Variants in RELT observed in about 807,000 individuals in gnomAD.
RELT encodes RELT TNF receptor.
A neutral mutation model predicts 51.1 loss-of-function variants in RELT; 37 were observed. The observed-to-expected ratio is 0.72, with a 90% CI of 0.56 to 0.95. The LOEUF (loss-of-function observed/expected upper bound fraction) is 0.95. Among genes scored for constraint, RELT ranks in the 40% least tolerant of loss-of-function variants. The pLI is 0.00. For missense variants in RELT, 535 were observed against 572.6 expected (o/e 0.93, Z 0.67); for synonymous variants, 241 against 235.7 (o/e 1.02, Z -0.21).
intron 1 of RELT, among the ~76,000 whole-genome samples, chr11:73,381,911 G>A (rs961074555): frequency 6.6e-6 from 1 of 152,182 alleles, no homozygotes; most frequent in Admixed American, 6.5e-5. Context: ...AAGCCTCTGG[G>A]TGACCTCGGC....
chr11:73,390,901 CTG>C lies in RELT; in HGVS notation c.270_271del (p.Cys90TrpfsTer32). 1 of 1,613,152 alleles carries C rather than the reference CTG, an allele frequency of 6.2e-7. No homozygotes were observed. Among genetic ancestry groups the C allele is most frequent in the East Asian group, 2.2e-5 (1 of 44,870 alleles). ...QVGMATRDTLCGDCWPGWFGP... is the reference protein window; with the variant it reads ...QVGMATRDTLXGDCWPGWFGP... ...TGGGCATGGCAACTCGAGATACACT[CTG>C]TGGAGACTGCTGGCCTGGGTAAGCC... On this transcript the variant is annotated frameshift_variant, in exon 4 of 11. Transcript: ENST00000064780. LOFTEE classifies it high-confidence loss of function.
In RELT at chr11:73,395,100, C is replaced by G. The variant is rs1166846088; in HGVS notation, c.1060C>G (p.Arg354Gly). The change falls in exon 10 of 11, where the codon CGA becomes GGA. Residue 354 changes from arginine (R) to glycine (G), a missense_variant. Arg to Gly is a moderately radical substitution (Grantham distance 125). Transcript: ENST00000064780. ...CTCTCCTCACAGGTTCCGCGTGGCT[C>G]GAATTCCTGAGCAGCGGACAAGTTC... ...ILSVGRFRVA[R>G]IPEQRTSSMV... The G allele has an allele frequency of 1.2e-6, 2 of 1,613,404 alleles. No homozygotes were observed. The highest frequency in any genetic ancestry group is 1.7e-6 in the Non-Finnish European group (2 of 1,179,910).
At chr11:73,376,570 AGTG>A (rs1365750830) in intron 1 of RELT, 71 bp downstream of exon 1, 3 of 151,456 alleles carry the variant, frequency 2.0e-5, no homozygotes, top group Non-Finnish European at 4.4e-5. Context: ...TACGGACCCT[AGTG>A]GCGCCCCCTG....
Position 73,394,251 on chromosome 11 carries a change from T to G in RELT, c.722T>G (p.Leu241Arg), listed in dbSNP as rs760234772. 13 of 1,608,770 alleles carry G rather than the reference T, an allele frequency of 8.1e-6. No homozygotes were observed. Among genetic ancestry groups the G allele is most frequent in the African/African-American group, 1.3e-5 (1 of 74,768 alleles). ...CTACCCACAGAGAATGCTGCGGCCC[T>G]GGAGGAGCTGCTGAAAGAGTACCAC... ...ITEKKENAAA[L>R]EELLKEYHSK... Residue 241 changes from leucine (L) to arginine (R), a missense_variant, in exon 8 of 11, where the codon CTG becomes CGG. Transcript: ENST00000064780. This position sits in a 1 kb window ranked among gnomAD's most constrained non-coding sequence, Gnocchi z 4.9.
chr11:73,394,116 C>T lies in RELT; in HGVS notation c.707-120C>T, dbSNP rs978243849. 47 of 1,042,032 alleles carry T rather than the reference C, an allele frequency of 4.5e-5. No individual in the cohort carries two copies. In the African/African-American group the frequency reaches 5.1e-4, roughly 11 times the overall value. The allele number at this position is 1,042,032 out of a possible 1,614,324, so 64.5% of individuals were successfully genotyped here. A position where few individuals can be genotyped will look rare whatever the true frequency, so the allele number is the denominator to read the frequency against. Reference sequence around the variant, plus strand: ...TGCCTGATGAAGTGGGAGGAAAAGGCGCACAGCCCAGGCTGGGAGTGGTGG... The same window carrying T: ...TGCCTGATGAAGTGGGAGGAAAAGGTGCACAGCCCAGGCTGGGAGTGGTGG... On this transcript the variant is annotated intron_variant, in intron 7 of 10. Transcript: ENST00000064780. The surrounding 1 kb of genome is among the most constrained non-coding windows in gnomAD (Gnocchi z 4.9).
Position 73,388,140 on chromosome 11 carries a change from C to G in RELT, c.-25-972C>G, listed in dbSNP as rs577253502. ...TCAGTCTCAGACCGGTGGGCCGTGA[C>G]GCCACCATGGATATTTCTCTGAAGT... On this transcript the variant is annotated intron_variant, in intron 1 of 10. Coordinates refer to ENST00000064780, the MANE Select transcript of RELT (RefSeq NM_152222.2). This position sits in a 1 kb window ranked among gnomAD's most constrained non-coding sequence, Gnocchi z 4.1. 6.6e-6 allele frequency among the ~76,000 whole-genome samples: 1 copy of G among 152,312 alleles called. No homozygotes were observed. The highest frequency in any genetic ancestry group is 2.1e-4 in the South Asian group (1 of 4,824).
chr11:73,389,954 G>C (rs952065626), intron 2 of RELT, among the ~76,000 whole-genome samples: 1 of 152,190 alleles, frequency 6.6e-6, no homozygotes, highest in African/African-American at 2.4e-5. Flanking sequence ...AATGGGCTGG[G>C]GACACACACT....
intron 5 of RELT, 194 bp from the exon 6 acceptor site, chr11:73,392,017 A>G: frequency 3.0e-6 from 2 of 671,200 alleles, no homozygotes; most frequent in Non-Finnish European, 5.0e-6. Context: ...CTTGTTCAGG[A>G]CAATGCTTCG....
chr11:73,377,842 G>A (rs1201153525), intron 1 of RELT, among the ~76,000 whole-genome samples: 1 of 152,166 alleles, frequency 6.6e-6, no homozygotes, highest in East Asian at 1.9e-4. Context: ...CTGCAGTGGG[G>A]GGTGGGGGCA....
At chr11:73,393,721 G>T (rs1314465789) in intron 6 of RELT, 116 bp from the exon 7 acceptor site, 2 of 1,566,722 alleles carry the variant, frequency 1.3e-6, no homozygotes, top group Non-Finnish European at 8.8e-7. Context: ...TCACCTAAAT[G>T]CACATGCTCA....
At chr11:73,389,498 G>T (rs1198157666) in intron 2 of RELT, among the ~76,000 whole-genome samples, 2 of 152,214 alleles carry the variant, frequency 1.3e-5, no homozygotes, top group Admixed American at 1.3e-4. Flanking sequence ...GAGGAAACTG[G>T]GCAAAAGAGG....
intron 1 of RELT, among the ~76,000 whole-genome samples, chr11:73,381,183 G>A (rs1200500307): frequency 6.6e-6 from 1 of 152,220 alleles, no homozygotes; most frequent in Admixed American, 6.5e-5. Context: ...TGGGAAAGAT[G>A]AGAGCTCTAT....
chr11:73,392,412 G>A lies in RELT; in HGVS notation c.569G>A (p.Gly190Asp). 2 of 1,613,706 alleles carry A rather than the reference G, an allele frequency of 1.2e-6. No individual in the cohort carries two copies. The highest frequency in any genetic ancestry group is 1.7e-6 in the Non-Finnish European group (2 of 1,179,938). Residue 190 changes from glycine to aspartate, a missense_variant, in exon 6 of 11, where the codon GGC becomes GAC. Transcript: ENST00000064780. ...GTGTGCAACCTCCTCAAGCGGAAGG[G>A]CTACCACTGCACGGCGCACAAGGAG... ...ILVCNLLKRK[G>D]YHCTAHKEVG...
chr11:73,378,694 A>T (rs765159428), intron 1 of RELT, among the ~76,000 whole-genome samples: 2 of 152,242 alleles, frequency 1.3e-5, no homozygotes. Context: ...GTGTGTGCAC[A>T]CATGTCTGGA....
At position 73,395,451 on chromosome 11, in the gene RELT, G is replaced by A. The variant is rs150871389; in HGVS notation, c.1253G>A (p.Arg418His). The A allele has an allele frequency of 6.1e-5, 52 of 847,670 alleles. No homozygotes were observed. The highest frequency in any genetic ancestry group is 2.2e-4 in the Middle Eastern group (1 of 4,634). The allele number at this position is 847,670 out of a possible 1,614,324, so 52.5% of individuals were successfully genotyped here. ...CTCACCCCTGCCCACCAGGAGAACCGCTATGTGGTCCGGCTAAGTGAGAGC... is the reference window on the plus strand; with the variant it reads ...CTCACCCCTGCCCACCAGGAGAACCACTATGTGGTCCGGCTAAGTGAGAGC... ...PPAENKAEEN[R>H]YVVRLSESNL... The change falls in exon 11 of 11, where the codon CGC (arginine) becomes CAC (histidine). Residue 418 changes from arginine (R) to histidine (H), a missense_variant. By Grantham distance (29) the Arg-to-His change is conservative. Transcript: ENST00000064780.
chr11:73,379,890 T>C (rs1866025343), intron 1 of RELT, among the ~76,000 whole-genome samples: 1 of 152,196 alleles, frequency 6.6e-6, no homozygotes, highest in South Asian at 2.1e-4. Flanking sequence ...TCCAAGGCCT[T>C]TCAGAATTTG....
intron 1 of RELT, among the ~76,000 whole-genome samples, chr11:73,377,245 G>GTGC (rs1435647240): frequency 1.4e-5 from 2 of 143,988 alleles, no homozygotes; most frequent in African/African-American, 5.9e-5. Flanking sequence ...GCGCCATGGT[G>GTGC]TGCGTGTGGG....
chr11:73,393,532 C>A, intron 6 of RELT: 2 of 1,308,000 alleles, frequency 1.5e-6, no homozygotes, highest in Non-Finnish European at 9.9e-7. Flanking sequence ...CAGTGCAGAC[C>A]CAGAAGACGC....
Position 73,394,213 on chromosome 11 carries a change from G to A in RELT, c.707-23G>A. Reference sequence around the variant, plus strand: ...GTGTGTCCCATATGGCCACAGTGAGGGTCTGACTGCAGCTACCCACAGAGA... The same window carrying A: ...GTGTGTCCCATATGGCCACAGTGAGAGTCTGACTGCAGCTACCCACAGAGA... On this transcript the variant is annotated intron_variant, in intron 7 of 10. Coordinates refer to ENST00000064780, the MANE Select transcript of RELT (RefSeq NM_152222.2). This position sits in a 1 kb window ranked among gnomAD's most constrained non-coding sequence, Gnocchi z 4.9. 6.3e-7 allele frequency: 1 copy of A among 1,581,742 alleles called. No homozygotes were observed. Among genetic ancestry groups the A allele is most frequent in the Non-Finnish European group, 8.6e-7 (1 of 1,163,672 alleles).
Sources: gnomAD v4.1 joint callset for allele counts (sites outside exome capture counted in the v4.1 genomes callset) on GRCh38, gnomAD v4.1.1 for gene constraint, Gnocchi (gnomAD v3.1) non-coding constraint, MANE v1.5 for transcripts, NCBI Gene and HGNC (gene_info 2026-07-23, HGNC 2026-07-21) for gene names.